Variants in GAS7 observed in about 807,000 individuals in gnomAD.
GAS7 encodes growth arrest specific 7.
A neutral mutation model predicts 71.1 loss-of-function variants in GAS7; 28 were observed. That is an observed-to-expected ratio of 0.39 (90% CI 0.29 to 0.54). GAS7 has a LOEUF of 0.54. Ranked by LOEUF, GAS7 falls within the 20% of genes least tolerant of loss-of-function variation. The probability of loss-of-function intolerance (pLI) is 0.62; values close to 1 mark genes in which losing one functional copy is unlikely to be tolerated. For missense variants in GAS7, 436 were observed against 627.8 expected, an observed-to-expected ratio of 0.69 and a Z score of 3.27; for synonymous variants, 258 against 245.8, an observed-to-expected ratio of 1.05 and a Z score of -0.46.
intron 1 of GAS7, among the ~76,000 whole-genome samples, chr17:10,154,379 C>T (rs2074188985): frequency 6.6e-6 from 1 of 151,964 alleles, no homozygotes; most frequent in Non-Finnish European, 1.5e-5. Context: ...TAGCAAACAT[C>T]TGTGGTCTCA....
intron 1 of GAS7, among the ~76,000 whole-genome samples, chr17:10,065,466 T>C (rs1357325731): frequency 6.6e-6 from 1 of 152,186 alleles, no homozygotes; most frequent in South Asian, 2.1e-4. Flanking sequence ...AGTCCTTGAC[T>C]CTTTCAGCTC....
At chr17:10,138,653 G>C (rs937675891) in intron 1 of GAS7, among the ~76,000 whole-genome samples, 7 of 152,048 alleles carry the variant, frequency 4.6e-5, no homozygotes, top group Non-Finnish European at 1.0e-4. Flanking sequence ...TGTAATCCCA[G>C]CTACTCAGGA....
chr17:9,960,418 G>A (rs1251557550), intron 4 of GAS7, among the ~76,000 whole-genome samples: 1 of 152,042 alleles, frequency 6.6e-6, no homozygotes, highest in Non-Finnish European at 1.5e-5. Flanking sequence ...TCGAACTTTT[G>A]ACCTCAGGCG....
chr17:10,036,371 A>T (rs141809349), intron 1 of GAS7: 1 of 1,290,620 alleles, frequency 7.7e-7, no homozygotes, highest in Non-Finnish European at 1.1e-6. Context: ...CAGTCATTTT[A>T]GAAACATGCA....
intron 5 of GAS7, among the ~76,000 whole-genome samples, chr17:9,948,008 A>G (rs1312171125): frequency 6.6e-6 from 1 of 152,204 alleles, no homozygotes; most frequent in Non-Finnish European, 1.5e-5. Context: ...TTTCTTGTTT[A>G]TAATTGTCTT....
intron 1 of GAS7, among the ~76,000 whole-genome samples, chr17:10,076,949 C>T (rs2073401041): frequency 6.6e-6 from 1 of 152,206 alleles, no homozygotes; most frequent in Non-Finnish European, 1.5e-5. Context: ...CTTCTAGTGA[C>T]TCCGCCAGAA....
At chr17:9,988,119 C>T (rs1460039546) in intron 2 of GAS7, among the ~76,000 whole-genome samples, 1 of 152,226 alleles carries the variant, frequency 6.6e-6, no homozygotes, top group African/African-American at 2.4e-5. Context: ...TTATACTCAC[C>T]CTTCTGTGCT....
chr17:9,992,254 C>A (rs1190119468), intron 2 of GAS7, among the ~76,000 whole-genome samples: 1 of 151,898 alleles, frequency 6.6e-6, no homozygotes, highest in Non-Finnish European at 1.5e-5. Context: ...ATTTAAGGAA[C>A]CCCCCAGATG....
chr17:10,185,898 G>T (rs917474601), intron 1 of GAS7, among the ~76,000 whole-genome samples: 6 of 150,998 alleles, frequency 4.0e-5, no homozygotes, highest in African/African-American at 7.3e-5. Context: ...AGAGAGTTTG[G>T]TTTTTTCTTT....
chr17:10,121,072 C>T (rs1177206255), intron 1 of GAS7, among the ~76,000 whole-genome samples: 3 of 152,196 alleles, frequency 2.0e-5, no homozygotes, highest in East Asian at 1.9e-4. Context: ...TGTATACAGC[C>T]GCCAGTGGTT....
chr17:10,103,225 TC>T lies in GAS7; in HGVS notation c.184-83329del, dbSNP rs1464806614. On this transcript the variant is annotated intron_variant, in intron 1 of 13. Transcript: ENST00000432992. The surrounding 1 kb of genome is among the most constrained non-coding windows in gnomAD (Gnocchi z 5.5). Reference sequence around the variant, plus strand: ...CAGGCGTGGTGGTGCACACTTGTGGTCCTAGCTACTCAGGAGGCTAAGGTGG... The same window carrying T: ...CAGGCGTGGTGGTGCACACTTGTGGTCTAGCTACTCAGGAGGCTAAGGTGG... Among the ~76,000 whole-genome samples the T allele has an allele frequency of 1.3e-5, 2 of 151,970 alleles. No homozygotes were observed. The highest frequency in any genetic ancestry group is 4.8e-5 in the African/African-American group (2 of 41,378).
chr17:9,926,668 G>A lies in GAS7; in HGVS notation c.987C>T (p.Leu329=), dbSNP rs769901833. The change falls in exon 10 of 14, where the codon CTC becomes CTT. Residue 329 remains leucine, a synonymous_variant. Transcript: ENST00000432992. The surrounding 1 kb of genome is among the most constrained non-coding windows in gnomAD (Gnocchi z 5.0). ...TCTCCACCGAGGCATAGCGGCTGGC[G>A]AGCTGCTTGCGAAGGTCGGCAATGT... ...DHHIADLRKQ[L]ASRYASVEKA... 1.1e-5 allele frequency: 18 copies of A among 1,613,554 alleles called. No homozygotes were observed. Among genetic ancestry groups the A allele is most frequent in the East Asian group, 1.1e-4 (5 of 44,890 alleles).
At chr17:10,047,133 G>A (rs1468643534) in intron 1 of GAS7, among the ~76,000 whole-genome samples, 1 of 152,108 alleles carries the variant, frequency 6.6e-6, no homozygotes, top group Non-Finnish European at 1.5e-5. Flanking sequence ...CAGAAAACAA[G>A]AGAGCAGGAA....
chr17:10,153,596 A>G (rs1265148133), intron 1 of GAS7, among the ~76,000 whole-genome samples: 1 of 152,070 alleles, frequency 6.6e-6, no homozygotes, highest in Non-Finnish European at 1.5e-5. Context: ...GTAAGAAATG[A>G]GTAGAAGAAT....
intron 1 of GAS7, among the ~76,000 whole-genome samples, chr17:10,123,762 G>A (rs2073923162): frequency 6.6e-6 from 1 of 152,242 alleles, no homozygotes; most frequent in African/African-American, 2.4e-5. Flanking sequence ...AATCAAGGCA[G>A]GGAGGTTGGA....
rs17208346 is a variant in GAS7, at chr17:10,020,258, C to G, written c.184-361G>C. On this transcript the variant is annotated intron_variant, in intron 1 of 13. Coordinates refer to ENST00000432992, the MANE Select transcript of GAS7 (RefSeq NM_201433.2). ...ACTCCACCACCTCCCATTGTGAAAT[C>G]TGAAGCCTGAAATTCCCAGACCACG... 3.2e-3 allele frequency: 682 copies of G among 214,810 alleles called. 18 individuals are homozygous for G. The South Asian group carries it at 0.032, about 10-fold the overall frequency. The allele number at this position is 214,810 out of a possible 1,614,324, so 13.3% of individuals were successfully genotyped here.
chr17:10,020,581 C>G (rs553319132), intron 1 of GAS7, among the ~76,000 whole-genome samples: 1 of 151,714 alleles, frequency 6.6e-6, no homozygotes, highest in East Asian at 1.9e-4. Context: ...ATATGACATA[C>G]AAAGAAACTA....
At chr17:9,951,316 C>T (rs1388949802) in intron 5 of GAS7, among the ~76,000 whole-genome samples, 2 of 152,316 alleles carry the variant, frequency 1.3e-5, no homozygotes, top group African/African-American at 2.4e-5. Context: ...AATGATGGAA[C>T]GAGTAGAGTT....
chr17:10,158,336 T>TAA (rs58514810), intron 1 of GAS7, among the ~76,000 whole-genome samples: 1,105 of 83,300 alleles, frequency 0.013, 20 homozygotes, highest in African/African-American at 0.032. Context: ...CTTTTTTTGG[T>TAA]AAAAAAAAAA....
Sources: allele counts gnomAD v4.1 joint callset (sites outside exome capture counted in the v4.1 genomes callset), GRCh38; gene constraint gnomAD v4.1.1; non-coding constraint Gnocchi (gnomAD v3.1); transcripts MANE v1.5; gene names NCBI Gene and HGNC (gene_info 2026-07-23, HGNC 2026-07-21).